The following PDE3B variants were observed in gnomAD, a reference collection of about 807,000 sequenced individuals.
PDE3B encodes the protein cGMP-inhibited 3',5'-cyclic phosphodiesterase 3B.
In PDE3B, 66 loss-of-function variants were observed where a neutral mutation model predicts 116.8. The observed-to-expected ratio is 0.56, with a 90% CI of 0.46 to 0.69. PDE3B has a LOEUF of 0.69. Among genes scored for constraint, PDE3B ranks in the 30% least tolerant of loss-of-function variants. The probability of loss-of-function intolerance (pLI) is 0.00; values close to 1 mark genes in which losing one functional copy is unlikely to be tolerated. For synonymous variants in PDE3B, 595 were observed against 533.6 expected (o/e 1.12, Z -1.59); for missense variants, 1,384 against 1,368.1 (o/e 1.01, Z -0.18).
chr11:14,721,281 C>T (rs1298053484), intron 1 of PDE3B, among the ~76,000 whole-genome samples: 1 of 152,126 alleles, frequency 6.6e-6, no homozygotes, highest in East Asian at 1.9e-4. Flanking sequence ...ACAGCAGGTG[C>T]TGGAGAGGAT....
chr11:14,664,221 G>T (rs1348292669), intron 1 of PDE3B, among the ~76,000 whole-genome samples: 1 of 151,998 alleles, frequency 6.6e-6, no homozygotes, highest in Non-Finnish European at 1.5e-5. Flanking sequence ...AAACCAACGA[G>T]AACAAAGACA....
chr11:14,879,222 G>T, the PDE3B span: 2 of 1,613,272 alleles, frequency 1.2e-6, no homozygotes, highest in South Asian at 2.2e-5. Flanking sequence ...TCATCAAAGT[G>T]TACAGAATAA....
intron 7 of PDE3B, among the ~76,000 whole-genome samples, chr11:14,819,600 T>A (rs1179100015): frequency 6.6e-6 from 1 of 152,200 alleles, no homozygotes; most frequent in African/African-American, 2.4e-5. Context: ...TTTTGTATCC[T>A]CATACAAGAC....
At chr11:14,778,496 T>A (rs954309378) in intron 2 of PDE3B, among the ~76,000 whole-genome samples, 12 of 152,170 alleles carry the variant, frequency 7.9e-5, no homozygotes, top group African/African-American at 2.9e-4. Flanking sequence ...GCAGCAACAT[T>A]TGCCTTTCTG....
chr11:14,878,100 C>T, the PDE3B span: 4 of 1,612,192 alleles, frequency 2.5e-6, no homozygotes, highest in Non-Finnish European at 3.4e-6. Flanking sequence ...CATTCTTGTT[C>T]CCGAAAACAT....
intron 1 of PDE3B, among the ~76,000 whole-genome samples, chr11:14,659,865 G>A (rs1853837906): frequency 6.6e-6 from 1 of 152,072 alleles, no homozygotes. Flanking sequence ...ATATTTCTCT[G>A]AAAAGTAAGG....
At chr11:14,768,547 A>C (rs899838532) in intron 1 of PDE3B, among the ~76,000 whole-genome samples, 2 of 151,520 alleles carry the variant, frequency 1.3e-5, no homozygotes, top group Non-Finnish European at 3.0e-5. Context: ...AGCTGTATGT[A>C]CTTCATTCAT....
intron 1 of PDE3B, among the ~76,000 whole-genome samples, chr11:14,765,632 G>A (rs1037180617): frequency 1.3e-5 from 2 of 151,598 alleles, no homozygotes; most frequent in South Asian, 2.1e-4. Context: ...ATAATTTCTG[G>A]TATTGTATTA....
At chr11:14,788,500 A>G (rs946743802) in intron 3 of PDE3B, among the ~76,000 whole-genome samples, 1 of 152,026 alleles carries the variant, frequency 6.6e-6, no homozygotes, top group African/African-American at 2.4e-5. Flanking sequence ...TAAGAAGCAG[A>G]AACTATTATG....
chr11:14,778,055 A>G (rs1857844315), intron 2 of PDE3B, among the ~76,000 whole-genome samples: 1 of 152,108 alleles, frequency 6.6e-6, no homozygotes, highest in South Asian at 2.1e-4. Flanking sequence ...CACCCACGGA[A>G]CCTCGCTCAT....
At chr11:14,816,167 G>A (rs1859326024) in intron 5 of PDE3B, among the ~76,000 whole-genome samples, 1 of 152,100 alleles carries the variant, frequency 6.6e-6, no homozygotes, top group African/African-American at 2.4e-5. Context: ...AAGGCCCTAA[G>A]CTAATTGGAT....
chr11:14,765,584 T>C (rs1857476573), intron 1 of PDE3B, among the ~76,000 whole-genome samples: 1 of 151,830 alleles, frequency 6.6e-6, no homozygotes, highest in African/African-American at 2.4e-5. Flanking sequence ...TGTTCCTTAA[T>C]TAGTTTTGAA....
At chr11:14,803,318 G>A (rs1355725695) in intron 4 of PDE3B, among the ~76,000 whole-genome samples, 1 of 152,148 alleles carries the variant, frequency 6.6e-6, no homozygotes, top group Non-Finnish European at 1.5e-5. Flanking sequence ...TTCATTGGGT[G>A]GTATTATTTG....
At chr11:14,724,226 G>T (rs529549779) in intron 1 of PDE3B, among the ~76,000 whole-genome samples, 1 of 152,296 alleles carries the variant, frequency 6.6e-6, no homozygotes, top group Non-Finnish European at 1.5e-5. Flanking sequence ...TGGGGAGAAG[G>T]CATTGTTAAG....
chr11:14,780,979 G>A (rs1243758275), intron 2 of PDE3B, among the ~76,000 whole-genome samples: 4 of 152,036 alleles, frequency 2.6e-5, no homozygotes, highest in Admixed American at 2.0e-4. Context: ...TGATAAAGGG[G>A]ATATCACCAC....
At chr11:14,670,336 A>C (rs1321665790) in intron 1 of PDE3B, among the ~76,000 whole-genome samples, 1 of 152,180 alleles carries the variant, frequency 6.6e-6, no homozygotes, top group African/African-American at 2.4e-5. Context: ...TATTTAGCCC[A>C]GAGCCTAGCA....
chr11:14,694,319 A>G (rs1322808233), intron 1 of PDE3B, among the ~76,000 whole-genome samples: 10 of 152,202 alleles, frequency 6.6e-5, no homozygotes, highest in Admixed American at 3.3e-4. Context: ...TCTAGTATGG[A>G]TAAAATGAAG....
the PDE3B span, chr11:14,879,408 G>A: frequency 6.2e-7 from 1 of 1,605,874 alleles, no homozygotes; most frequent in Non-Finnish European, 8.5e-7. Context: ...TTCCCATTAG[G>A]GCCCATAATT....
At chr11:14,667,136 G>C (rs2133773496) in intron 1 of PDE3B, among the ~76,000 whole-genome samples, 1 of 152,192 alleles carries the variant, frequency 6.6e-6, no homozygotes, top group East Asian at 1.9e-4. Context: ...CCTTTGTAGG[G>C]ACATGGATGA....
Sources: allele counts gnomAD v4.1 joint callset (sites outside exome capture counted in the v4.1 genomes callset), GRCh38; gene constraint gnomAD v4.1.1; transcripts MANE v1.5; gene names NCBI Gene and HGNC (gene_info 2026-07-23, HGNC 2026-07-21).